DPP6: variants seen among roughly 807,000 people sequenced by gnomAD.
The protein encoded by DPP6 is A-type potassium channel modulatory protein DPP6.
Under a neutral mutation model 122.6 loss-of-function variants are expected in DPP6, and 69 were observed. That is an observed-to-expected ratio of 0.56 (90% confidence interval 0.46 to 0.69). The LOEUF (loss-of-function observed/expected upper bound fraction) is 0.69. Among genes scored for constraint, DPP6 ranks in the 30% least tolerant of loss-of-function variants. The pLI, the probability that DPP6 is intolerant of heterozygous loss-of-function variation, is 0.00. For synonymous variants in DPP6, 418 were observed against 433.1 expected (o/e 0.97, Z 0.43); for missense variants, 928 against 1,116.9 (o/e 0.83, Z 2.41).
At chr7:154,035,917 A>G (rs1799495082) in intron 1 of DPP6, among the ~76,000 whole-genome samples, 1 of 151,968 alleles carries the variant, frequency 6.6e-6, no homozygotes, top group African/African-American at 2.4e-5. Flanking sequence ...TTAAAAAATG[A>G]ATAGACTGCC....
the DPP6 span, among the ~76,000 whole-genome samples, chr7:153,859,931 G>T: frequency 6.6e-6 from 1 of 152,126 alleles, no homozygotes; most frequent in Non-Finnish European, 1.5e-5. Flanking sequence ...ACCTCCACCT[G>T]GTCCTGCCCT....
chr7:154,148,907 G>A (rs1432034409), intron 1 of DPP6, among the ~76,000 whole-genome samples: 1 of 152,184 alleles, frequency 6.6e-6, no homozygotes, highest in East Asian at 1.9e-4. Context: ...TACAAGTGAT[G>A]TGGGTTTGCA....
rs1017752350 is a variant in DPP6, at chr7:154,483,657, T to C, written c.457+8620T>C. 6.6e-6 allele frequency among the ~76,000 whole-genome samples: 1 copy of C among 152,222 alleles called. No individual in the cohort carries two copies. Among genetic ancestry groups the C allele is most frequent in the Admixed American group, 6.5e-5 (1 of 15,286 alleles). On this transcript the variant is annotated intron_variant, in intron 3 of 25. Transcript: ENST00000377770. This position sits in a 1 kb window ranked among gnomAD's most constrained non-coding sequence, Gnocchi z 8.1. Reference sequence around the variant, plus strand: ...GTTTCACTTTTCTTTAATATAGGCATTTATGAGAAAAAGCCCAGGTGAAGT... The same window carrying C: ...GTTTCACTTTTCTTTAATATAGGCACTTATGAGAAAAAGCCCAGGTGAAGT...
At chr7:154,291,241 C>T (rs1464971443) in intron 1 of DPP6, among the ~76,000 whole-genome samples, 1 of 152,172 alleles carries the variant, frequency 6.6e-6, no homozygotes, top group Non-Finnish European at 1.5e-5. Context: ...TAGAAACCAA[C>T]TTGGGCTTGA....
At chr7:154,400,180 G>T (rs1176587829) in intron 1 of DPP6, among the ~76,000 whole-genome samples, 1 of 152,208 alleles carries the variant, frequency 6.6e-6, no homozygotes, top group African/African-American at 2.4e-5. Flanking sequence ...CCCTGGAGAA[G>T]CCAAGGCCTG....
At chr7:154,772,982 A>G (rs769430230) in intron 10 of DPP6, 40 bp downstream of exon 10, 261 of 1,314,732 alleles carry the variant, frequency 2.0e-4, no homozygotes, top group South Asian at 9.5e-4. Flanking sequence ...AAAAAAAAAA[A>G]CTAAGATGAA....
Position 154,821,038 on chromosome 7 carries a change from T to C in DPP6, c.1666+13926T>C, listed in dbSNP as rs1799727054. Among the ~76,000 whole-genome samples, 1 of 152,190 alleles carries C rather than the reference T, an allele frequency of 6.6e-6. No homozygotes were observed. Among genetic ancestry groups the C allele is most frequent in the Admixed American group, 6.5e-5 (1 of 15,282 alleles). On this transcript the variant is annotated intron_variant, in intron 16 of 25. Transcript: ENST00000377770. The surrounding 1 kb of genome is among the most constrained non-coding windows in gnomAD (Gnocchi z 4.2). ...TGAAAGCATATTCTTAAGGCCGGTG[T>C]TGGGGATGCCCTTCTGGCTACTGTA...
intron 22 of DPP6, among the ~76,000 whole-genome samples, chr7:154,886,076 C>G (rs1433370458): frequency 6.6e-6 from 1 of 152,250 alleles, no homozygotes; most frequent in Admixed American, 6.5e-5. Context: ...GCCACAGGCC[C>G]TGCCGGGCCG....
intron 1 of DPP6, among the ~76,000 whole-genome samples, chr7:153,942,741 G>A (rs1012875401): frequency 3.3e-5 from 5 of 152,208 alleles, no homozygotes; most frequent in African/African-American, 1.2e-4. Context: ...TGCTCACGAG[G>A]CCGCCCCACA....
intron 8 of DPP6, among the ~76,000 whole-genome samples, chr7:154,768,890 GC>G (rs1413727300): frequency 1.3e-5 from 2 of 152,168 alleles, no homozygotes; most frequent in Non-Finnish European, 2.9e-5. Context: ...AGCATGCTGG[GC>G]CTTTGGACTC....
At chr7:154,545,483 C>G (rs1484121713) in intron 4 of DPP6, among the ~76,000 whole-genome samples, 2 of 129,936 alleles carry the variant, frequency 1.5e-5, no homozygotes, top group African/African-American at 2.7e-5. Context: ...TTCCTTCCTT[C>G]CTTCCTTCCT....
Position 154,446,243 on chromosome 7 carries a change from G to A in DPP6, c.273G>A (p.Arg91=), listed in dbSNP as rs1563684881. ...TGGTGGGGAGTAACCCTCCGCAGAG[G>A]AATTGGAAAGGAATAGCAATTGCAC... is the stretch of plus-strand genomic sequence containing the variant. ...DELVGSNPPQ[R]NWKGIAIALL... is the part of the protein sequence containing the mutation. Residue 91 remains arginine, a synonymous_variant, in exon 2 of 26, where the codon AGG becomes AGA. Transcript: ENST00000377770. 1.2e-6 allele frequency: 2 copies of A among 1,609,656 alleles called. No individual in the cohort carries two copies. Among genetic ancestry groups the A allele is most frequent in the Non-Finnish European group, 1.7e-6 (2 of 1,177,736 alleles).
At chr7:153,779,703 G>C in the DPP6 span, among the ~76,000 whole-genome samples, 1 of 128,232 alleles carries the variant, frequency 7.8e-6, no homozygotes, top group Non-Finnish European at 1.6e-5. Flanking sequence ...ATGGAAGACT[G>C]AGGAACTATC....
At chr7:153,785,655 T>A in the DPP6 span, among the ~76,000 whole-genome samples, 1 of 152,168 alleles carries the variant, frequency 6.6e-6, no homozygotes, top group African/African-American at 2.4e-5. Context: ...ATATACTTTT[T>A]TTTCTGAGAC....
intron 1 of DPP6, among the ~76,000 whole-genome samples, chr7:154,019,520 C>T (rs1482104012): frequency 1.3e-5 from 2 of 151,334 alleles, no homozygotes; most frequent in Non-Finnish European, 2.9e-5. Context: ...TAGTTTTCAA[C>T]ACCAGGCTCC....
chr7:153,843,205 TGC>T, the DPP6 span, among the ~76,000 whole-genome samples: 1 of 151,190 alleles, frequency 6.6e-6, no homozygotes, highest in Non-Finnish European at 1.5e-5. Context: ...TACACACACG[TGC>T]ACACACACAA....
chr7:154,050,099 T>C (rs972257276), upstream of DPP6, among the ~76,000 whole-genome samples: 1 of 152,106 alleles, frequency 6.6e-6, no homozygotes, highest in Non-Finnish European at 1.5e-5. Context: ...CTGCCCTCCG[T>C]TTCTTCTGCT....
At chr7:154,096,576 G>A (rs960179985) in intron 1 of DPP6, among the ~76,000 whole-genome samples, 1 of 151,814 alleles carries the variant, frequency 6.6e-6, no homozygotes, top group Non-Finnish European at 1.5e-5. Flanking sequence ...TGCTATGTCT[G>A]CATAATAAAA....
At chr7:154,669,471 T>C in intron 7 of DPP6, 30 bp downstream of exon 7, 1 of 1,548,170 alleles carries the variant, frequency 6.5e-7, no homozygotes, top group Non-Finnish European at 8.7e-7. Flanking sequence ...TAACTATACT[T>C]GGGTTTTGAG....
Sources: allele counts gnomAD v4.1 joint callset (sites outside exome capture counted in the v4.1 genomes callset), GRCh38; gene constraint gnomAD v4.1.1; non-coding constraint Gnocchi (gnomAD v3.1); transcripts MANE v1.5; gene names NCBI Gene and HGNC (gene_info 2026-07-23, HGNC 2026-07-21).